Variants in UBE2J2 observed in about 807,000 individuals in gnomAD.
The protein encoded by UBE2J2 is ubiquitin conjugating enzyme E2 J2, also known as ubiquitin-conjugating enzyme E2 J2.
Under a neutral mutation model 28.6 loss-of-function variants are expected in UBE2J2, and 5 were observed. The observed-to-expected ratio is 0.17, with a 90% CI of 0.09 to 0.37. The LOEUF (loss-of-function observed/expected upper bound fraction) is 0.37. UBE2J2 is among the 10% of genes least tolerant of loss of function. The pLI, the probability that UBE2J2 is intolerant of heterozygous loss-of-function variation, is 1.00. For synonymous variants in UBE2J2, 138 were observed against 139.7 expected, an observed-to-expected ratio of 0.99 and a Z score of 0.09; for missense variants, 226 against 338.9, an observed-to-expected ratio of 0.67 and a Z score of 2.62.
At chr1:1,263,253 C>T (rs1203741658) in intron 3 of UBE2J2, 93 bp downstream of exon 3, 4 of 1,178,174 alleles carry the variant, frequency 3.4e-6, no homozygotes, top group Non-Finnish European at 1.3e-6. Context: ...AGTAGAAAGG[C>T]TGCTGTTTGC....
chr1:1,261,187 A>T (rs1298518048), intron 3 of UBE2J2, among the ~76,000 whole-genome samples: 1 of 152,240 alleles, frequency 6.6e-6, no homozygotes, highest in Non-Finnish European at 1.5e-5. Context: ...AGCAGAGGGC[A>T]GGGCTGCAGA....
intron 2 of UBE2J2, chr1:1,266,203 G>A (rs1639852874): frequency 7.8e-7 from 1 of 1,275,996 alleles, no homozygotes; most frequent in South Asian, 1.3e-5. Context: ...CCGCCTGCCT[G>A]GGCTGGGCCT....
intron 3 of UBE2J2, 142 bp from the exon 4 acceptor site, chr1:1,257,452 C>G: frequency 1.7e-6 from 1 of 579,302 alleles, no homozygotes; most frequent in Non-Finnish European, 3.0e-6. Context: ...CGTCCCCAGC[C>G]GGCTCCCAGG....
chr1:1,259,456 G>A (rs936810220), intron 3 of UBE2J2, among the ~76,000 whole-genome samples: 5 of 152,176 alleles, frequency 3.3e-5, no homozygotes, highest in Non-Finnish European at 7.4e-5. Flanking sequence ...GCCCCAATGC[G>A]AGTCCCCAAA....
chr1:1,272,461 C>T (rs1640201822), intron 1 of UBE2J2, among the ~76,000 whole-genome samples: 1 of 152,206 alleles, frequency 6.6e-6, no homozygotes, highest in African/African-American at 2.4e-5. Context: ...TGGCAGGAAA[C>T]CTTGGCCTGA....
rs79072100 is a variant in UBE2J2, at chr1:1,259,013, C to T, written c.173-1703G>A. On this transcript the variant is annotated intron_variant, in intron 3 of 6. Coordinates refer to ENST00000349431, the MANE Select transcript of UBE2J2 (RefSeq NM_058167.3). ...CGTGTGTGTGCATGCCATCAGGACGCGTGTGTGCGTGTCTGAGTGTGTGCA... is the reference window on the plus strand; with the variant it reads ...CGTGTGTGTGCATGCCATCAGGACGTGTGTGTGCGTGTCTGAGTGTGTGCA... Among the ~76,000 whole-genome samples, 664 of 152,020 alleles carry T rather than the reference C, an allele frequency of 4.4e-3. 5 individuals are homozygous for T. The highest frequency in any genetic ancestry group is 0.015 in the African/African-American group (624 of 41,466).
intron 2 of UBE2J2, among the ~76,000 whole-genome samples, chr1:1,264,050 T>C (rs942364540): frequency 6.6e-6 from 1 of 152,176 alleles, no homozygotes; most frequent in African/African-American, 2.4e-5. Context: ...ATATAATGTG[T>C]TTTTTGATAT....
At chr1:1,266,558 A>C (rs754407211) in intron 2 of UBE2J2, among the ~76,000 whole-genome samples, 10 of 152,066 alleles carry the variant, frequency 6.6e-5, no homozygotes, top group Admixed American at 3.3e-4. Context: ...GTGGTGGCTC[A>C]CGCCTGTAAT....
chr1:1,262,458 T>C, intron 3 of UBE2J2: 1 of 373,818 alleles, frequency 2.7e-6, no homozygotes, highest in Non-Finnish European at 5.4e-6. Context: ...GGAGAGCCTT[T>C]TTCATTCTTA....
chr1:1,266,639 G>A (rs1365114628), intron 2 of UBE2J2, among the ~76,000 whole-genome samples: 1 of 151,754 alleles, frequency 6.6e-6, no homozygotes, highest in Non-Finnish European at 1.5e-5. Flanking sequence ...GGCTAACACG[G>A]TGAAACCCCG....
chr1:1,261,841 G>C (rs1002461678), intron 3 of UBE2J2, among the ~76,000 whole-genome samples: 1 of 150,628 alleles, frequency 6.6e-6, no homozygotes, highest in Non-Finnish European at 1.5e-5. Context: ...GTAGAGACAA[G>C]GTTTCACCGT....
intron 2 of UBE2J2, chr1:1,265,979 C>A (rs1639836939): frequency 8.7e-7 from 1 of 1,152,984 alleles, no homozygotes; most frequent in Non-Finnish European, 1.2e-6. Context: ...AATCATCGAA[C>A]CTGCACCGGG....
At chr1:1,273,633 G>C (rs1312630426) in intron 1 of UBE2J2, 33 bp downstream of exon 1, 1 of 151,738 alleles carries the variant, frequency 6.6e-6, no homozygotes, top group East Asian at 1.9e-4. Context: ...GAGCGGGCCC[G>C]AGGACCCGGC....
chr1:1,256,020 C>T (rs772349605), intron 6 of UBE2J2, 25 bp downstream of exon 6: 17 of 1,542,350 alleles, frequency 1.1e-5, no homozygotes, highest in Non-Finnish European at 4.5e-6. Flanking sequence ...CAGGGGAAGG[C>T]GAAACCCACT....
At chr1:1,263,310 C>T (rs747692486) in intron 3 of UBE2J2, 36 bp downstream of exon 3, 34 of 1,597,234 alleles carry the variant, frequency 2.1e-5, no homozygotes, top group South Asian at 2.0e-4. Flanking sequence ...ATATAAAAAC[C>T]GCCTGGTGTT....
chr1:1,260,741 C>T (rs1639507886), intron 3 of UBE2J2, among the ~76,000 whole-genome samples: 1 of 152,272 alleles, frequency 6.6e-6, no homozygotes, highest in Non-Finnish European at 1.5e-5. Context: ...TCCTCTACCA[C>T]TGCCTGACCC....
chr1:1,258,366 C>T (rs1460334352), intron 3 of UBE2J2, among the ~76,000 whole-genome samples: 5 of 152,140 alleles, frequency 3.3e-5, no homozygotes, highest in Admixed American at 1.3e-4. Flanking sequence ...GACCACCCAA[C>T]GGCATAGCCT....
intron 1 of UBE2J2, among the ~76,000 whole-genome samples, chr1:1,269,586 A>C (rs1388351913): frequency 5.3e-5 from 8 of 151,730 alleles, no homozygotes; most frequent in Admixed American, 2.0e-4. Context: ...TCAGCCACTC[A>C]AGTAGCTGGG....
At chr1:1,271,454 C>T (rs775796463) in intron 1 of UBE2J2, 6 of 152,232 alleles carry the variant, frequency 3.9e-5, no homozygotes, top group Admixed American at 1.3e-4. Flanking sequence ...TGGACAGCCG[C>T]GCAAAAATAA....
Sources: allele counts gnomAD v4.1 joint callset (sites outside exome capture counted in the v4.1 genomes callset), GRCh38; gene constraint gnomAD v4.1.1; transcripts MANE v1.5; gene names NCBI Gene and HGNC (gene_info 2026-07-23, HGNC 2026-07-21).